WDPCP: variants seen among roughly 807,000 people sequenced by gnomAD.
WDPCP encodes WD repeat-containing and planar cell polarity effector protein fritz homolog.
Under a neutral mutation model 93.1 loss-of-function variants are expected in WDPCP, and 71 were observed. The ratio of observed to expected loss-of-function variants is 0.76; its 90% CI spans 0.63 to 0.93. WDPCP has a LOEUF of 0.93. Ranked by LOEUF, WDPCP falls within the 40% of genes least tolerant of loss-of-function variation. WDPCP has a pLI of 0.00. For missense variants in WDPCP, 844 were observed against 887.4 expected (o/e 0.95, Z 0.62); for synonymous variants, 315 against 315.0 (o/e 1.00, Z 0.00).
chr2:63,831,628 TAAATGTTTA>T (rs1671202642), upstream of WDPCP, among the ~76,000 whole-genome samples: 2 of 152,178 alleles, frequency 1.3e-5, no homozygotes, highest in Admixed American at 6.5e-5. Context: ...AAATAGTTTT[TAAATGTTTA>T]AAATGTTTTT....
intron 10 of WDPCP, among the ~76,000 whole-genome samples, chr2:63,394,027 A>C (rs1282966568): frequency 6.6e-6 from 1 of 152,170 alleles, no homozygotes; most frequent in Admixed American, 6.6e-5. Context: ...ATTTCATGAC[A>C]AAGGCGCCAA....
chr2:63,433,003 T>A (rs1696873821), intron 9 of WDPCP, among the ~76,000 whole-genome samples: 1 of 152,160 alleles, frequency 6.6e-6, no homozygotes. Flanking sequence ...CTATTTTACC[T>A]ACATAAGAAA....
At chr2:63,585,335 A>C (rs1478498387) in intron 1 of WDPCP, among the ~76,000 whole-genome samples, 1 of 152,208 alleles carries the variant, frequency 6.6e-6, no homozygotes, top group Non-Finnish European at 1.5e-5. Flanking sequence ...ATGTCACTTA[A>C]GCCAACAAAT....
At chr2:63,353,630 T>A (rs900613312) in intron 12 of WDPCP, among the ~76,000 whole-genome samples, 5 of 152,124 alleles carry the variant, frequency 3.3e-5, no homozygotes, top group Admixed American at 6.5e-5. Flanking sequence ...GGTGCTTTTT[T>A]AAGCAGTTTC....
intron 13 of WDPCP, among the ~76,000 whole-genome samples, chr2:63,300,387 T>C (rs144835723): frequency 6.6e-6 from 1 of 152,276 alleles, no homozygotes; most frequent in African/African-American, 2.4e-5. Context: ...ACTCTGTCCT[T>C]TCCTTCTGAG....
intron 17 of WDPCP, among the ~76,000 whole-genome samples, chr2:63,138,102 T>A (rs1670773276): frequency 6.6e-6 from 1 of 150,832 alleles, no homozygotes; most frequent in Non-Finnish European, 1.5e-5. Flanking sequence ...GCACATAGTT[T>A]ATTTAACACT....
intron 1 of WDPCP, among the ~76,000 whole-genome samples, chr2:63,561,753 A>C (rs1452777198): frequency 6.6e-6 from 1 of 152,258 alleles, no homozygotes; most frequent in Non-Finnish European, 1.5e-5. Flanking sequence ...TTATGCAGCC[A>C]ACAAACATGT....
chr2:63,440,144 A>C (rs946133449), intron 6 of WDPCP: 2 of 363,990 alleles, frequency 5.5e-6, no homozygotes. Flanking sequence ...TAATCTTCTA[A>C]ATACTTAGAA....
intron 6 of WDPCP, among the ~76,000 whole-genome samples, chr2:63,461,880 T>G (rs1219593104): frequency 6.6e-6 from 1 of 152,216 alleles, no homozygotes; most frequent in East Asian, 1.9e-4. Context: ...TAGAAGGGTT[T>G]TAAGCAGAGG....
intron 2 of WDPCP, among the ~76,000 whole-genome samples, chr2:63,685,362 G>T (rs1490415415): frequency 6.6e-6 from 1 of 152,076 alleles, no homozygotes. Flanking sequence ...AAGAGAAATG[G>T]ACAAATTCCT....
intron 14 of WDPCP, among the ~76,000 whole-genome samples, chr2:63,241,873 T>C (rs1448494695): frequency 1.3e-5 from 2 of 152,094 alleles, no homozygotes; most frequent in Non-Finnish European, 2.9e-5. Flanking sequence ...TGGGATGACA[T>C]GTGTGAGCCA....
At chr2:63,457,645 T>G (rs1243604696) in intron 6 of WDPCP, among the ~76,000 whole-genome samples, 1 of 152,134 alleles carries the variant, frequency 6.6e-6, no homozygotes, top group Non-Finnish European at 1.5e-5. Context: ...CAAGGATGGT[T>G]CAACACATGC....
At chr2:63,604,836 G>C (rs775112080) in intron 3 of WDPCP, 1 of 1,614,204 alleles carries the variant, frequency 6.2e-7, no homozygotes, top group African/African-American at 1.3e-5. Context: ...ATGAAGCTCT[G>C]AAAGATGACA....
intron 12 of WDPCP, among the ~76,000 whole-genome samples, chr2:63,340,094 G>A (rs1321955708): frequency 2.0e-5 from 3 of 152,096 alleles, no homozygotes; most frequent in African/African-American, 7.2e-5. Context: ...TCTTTGCATT[G>A]AAGGATTATT....
intron 2 of WDPCP, among the ~76,000 whole-genome samples, chr2:63,673,951 G>C (rs1393605822): frequency 6.6e-6 from 1 of 152,152 alleles, no homozygotes; most frequent in African/African-American, 2.4e-5. Flanking sequence ...CCTAGTTCCT[G>C]CTGGACGTGA....
chr2:63,649,577 TATTAGGTC>T (rs1311682492), intron 3 of WDPCP, among the ~76,000 whole-genome samples: 2 of 152,248 alleles, frequency 1.3e-5, no homozygotes, highest in Non-Finnish European at 2.9e-5. Context: ...ATGGTAAAAT[TATTAGGTC>T]ATAAGATAAC....
chr2:63,575,450 GTATATACAGTATA>G lies in WDPCP; in HGVS notation c.75+12734_75+12746del, dbSNP rs1707945048. On this transcript the variant is annotated intron_variant, in intron 1 of 17. Coordinates refer to ENST00000272321, the MANE Select transcript of WDPCP (RefSeq NM_015910.7). ...ACAGTGTATATACAGTGTATACACT[GTATATACAGTATA>G]TATGCAGTATATACAGTGTATATAT... 4.9e-5 allele frequency among the ~76,000 whole-genome samples: 2 copies of G among 40,964 alleles called. 1 individual carries two copies. The highest frequency in any genetic ancestry group is 7.7e-5 in the Non-Finnish European group (2 of 25,816). 26.9% of individuals were successfully genotyped at this position (40,964 alleles called of 152,430 possible). A position where few individuals can be genotyped will look rare whatever the true frequency, so the allele number is the denominator to read the frequency against.
chr2:63,131,697 T>C (rs1670302934), intron 17 of WDPCP, among the ~76,000 whole-genome samples: 1 of 152,158 alleles, frequency 6.6e-6, no homozygotes, highest in Non-Finnish European at 1.5e-5. Context: ...CTGTCTAGTA[T>C]CTTTTTGCTT....
At chr2:63,762,558 T>C (rs1299344211) in intron 2 of WDPCP, among the ~76,000 whole-genome samples, 2 of 152,170 alleles carry the variant, frequency 1.3e-5, no homozygotes, top group Non-Finnish European at 2.9e-5. Flanking sequence ...CTTACAATTC[T>C]AGAGGCTGAG....
Sources: allele counts gnomAD v4.1 joint callset (sites outside exome capture counted in the v4.1 genomes callset), GRCh38; gene constraint gnomAD v4.1.1; transcripts MANE v1.5; gene names NCBI Gene and HGNC (gene_info 2026-07-23, HGNC 2026-07-21).